VWA3B: variants seen among roughly 807,000 people sequenced by gnomAD.
The protein encoded by VWA3B is von Willebrand factor A domain containing 3B.
VWA3B carries 138 observed loss-of-function variants against 158.3 expected under a neutral mutation model. The observed-to-expected ratio is 0.87, with a 90% CI of 0.76 to 1.00. The LOEUF (loss-of-function observed/expected upper bound fraction) is 1.00. VWA3B is among the 50% of genes least tolerant of loss of function. The pLI, the probability that VWA3B is intolerant of heterozygous loss-of-function variation, is 0.00. For synonymous variants in VWA3B, 596 were observed against 587.3 expected (o/e 1.01, Z -0.21); for missense variants, 1,555 against 1,565.1 (o/e 0.99, Z 0.11).
chr2:98,239,817 G>T (rs1470617368), intron 19 of VWA3B, among the ~76,000 whole-genome samples: 1 of 151,386 alleles, frequency 6.6e-6, no homozygotes, highest in Non-Finnish European at 1.5e-5. Context: ...GGGAGGCTGA[G>T]GCAGGAGAAT....
chr2:98,309,355 C>T (rs1466317023), intron 26 of VWA3B, among the ~76,000 whole-genome samples: 2 of 152,278 alleles, frequency 1.3e-5, no homozygotes, highest in African/African-American at 2.4e-5. Flanking sequence ...GGAGGCAAGG[C>T]ATGTTCTTCT....
chr2:98,297,933 A>C lies in VWA3B; in HGVS notation c.3184A>C (p.Thr1062Pro). 1 of 1,571,310 alleles carries C rather than the reference A, an allele frequency of 6.4e-7. No homozygotes were observed. The highest frequency in any genetic ancestry group is 8.6e-7 in the Non-Finnish European group (1 of 1,158,610). The change falls in exon 24 of 28, where the codon ACC (threonine) becomes CCC (proline). Residue 1062 changes from threonine to proline, a missense_variant. Thr to Pro is a conservative substitution (Grantham distance 38, BLOSUM62 -1). Transcript: ENST00000477737. The part of the protein sequence containing the change: ...PGVVKKCVSR[T>P]QALVGFSYGD... ...GGTTGTGAAGAAGTGTGTGAGCCGC[A>C]CCCAAGCACTGGTGGGCTTCAGTTA... is the stretch of plus-strand genomic sequence containing the variant.
chr2:98,259,191 T>C (rs1188334786), intron 21 of VWA3B, among the ~76,000 whole-genome samples: 1 of 151,780 alleles, frequency 6.6e-6, no homozygotes, highest in Non-Finnish European at 1.5e-5. Context: ...AGAATATTTA[T>C]GTCCATATTT....
chr2:98,121,401 G>T lies in VWA3B; in HGVS notation c.645G>T (p.Leu215=), dbSNP rs746648205. Residue 215 remains leucine (L), a synonymous_variant, in exon 5 of 28, where the codon CTG becomes CTT. Coordinates refer to ENST00000477737, the MANE Select transcript of VWA3B (RefSeq NM_144992.5). ...ISWVEKLTVE[L]TVSEAGRLDA... Reference sequence around the variant, plus strand: ...GGGTTGAGAAACTGACGGTTGAGCTGACTGTGAGCGAGGCTGGCCGCCTGG... The same window carrying T: ...GGGTTGAGAAACTGACGGTTGAGCTTACTGTGAGCGAGGCTGGCCGCCTGG... The T allele has an allele frequency of 6.2e-7, 1 of 1,614,214 alleles. No individual in the cohort carries two copies. The highest frequency in any genetic ancestry group is 2.2e-5 in the East Asian group (1 of 44,888).
At chr2:98,209,212 C>A (rs886160892) in intron 12 of VWA3B, among the ~76,000 whole-genome samples, 4 of 151,774 alleles carry the variant, frequency 2.6e-5, no homozygotes, top group Middle Eastern at 3.2e-3. Flanking sequence ...TGGTTTTATC[C>A]TGTTTGGGAT....
intron 10 of VWA3B, among the ~76,000 whole-genome samples, chr2:98,190,034 TA>T (rs1453389266): frequency 6.6e-6 from 1 of 152,232 alleles, no homozygotes; most frequent in African/African-American, 2.4e-5. Flanking sequence ...ATTGGAGTGT[TA>T]AAATCATTTA....
chr2:98,281,610 A>C (rs1433797232), intron 22 of VWA3B, among the ~76,000 whole-genome samples: 1 of 152,150 alleles, frequency 6.6e-6, no homozygotes, highest in Non-Finnish European at 1.5e-5. Flanking sequence ...GTTACATGGA[A>C]AATTTTAAAG....
intron 8 of VWA3B, 52 bp from the exon 9 acceptor site, chr2:98,180,964 T>G (rs1574005137): frequency 6.4e-7 from 1 of 1,563,352 alleles, no homozygotes; most frequent in South Asian, 1.2e-5. Context: ...GTTGGGGGTG[T>G]AATATGAATG....
intron 12 of VWA3B, among the ~76,000 whole-genome samples, chr2:98,207,959 A>T (rs531939978): frequency 8.6e-5 from 13 of 151,680 alleles, no homozygotes; most frequent in African/African-American, 2.9e-4. Flanking sequence ...ATCTATTACA[A>T]CTCTATTATA....
intron 22 of VWA3B, 113 bp downstream of exon 22, chr2:98,270,996 A>G: frequency 9.3e-7 from 1 of 1,080,600 alleles, no homozygotes; most frequent in Non-Finnish European, 1.3e-6. Context: ...CTGATTTCTA[A>G]AAGTGTTAGA....
intron 19 of VWA3B, among the ~76,000 whole-genome samples, chr2:98,241,036 A>C (rs1036913576): frequency 6.6e-6 from 1 of 152,156 alleles, no homozygotes; most frequent in African/African-American, 2.4e-5. Flanking sequence ...AATGAAAATG[A>C]GAGAAGTTCT....
At chr2:98,113,085 C>T (rs1383298220) in intron 2 of VWA3B, among the ~76,000 whole-genome samples, 1 of 151,198 alleles carries the variant, frequency 6.6e-6, no homozygotes, top group Non-Finnish European at 1.5e-5. Flanking sequence ...TTATAGTATA[C>T]TTATAATATA....
In VWA3B at chr2:98,270,758, C is replaced by A; in HGVS notation, c.2920C>A (p.Pro974Thr). 6.2e-7 allele frequency: 1 copy of A among 1,614,092 alleles called. No homozygotes were observed. The highest frequency in any genetic ancestry group is 1.3e-5 in the African/African-American group (1 of 75,026). Reference protein sequence around the residue: ...LNQALERLNWPISLKELSMLE... With the variant: ...LNQALERLNWTISLKELSMLE... Reference sequence around the variant, plus strand: ...CCAGGCTTTAGAACGGTTGAATTGGCCCATTTCACTGAAAGAGCTGTCGAT... The same window carrying A: ...CCAGGCTTTAGAACGGTTGAATTGGACCATTTCACTGAAAGAGCTGTCGAT... Residue 974 changes from proline to threonine, a missense_variant, in exon 22 of 28, where the codon CCC becomes ACC. Transcript: ENST00000477737.
intron 19 of VWA3B, among the ~76,000 whole-genome samples, chr2:98,246,363 T>C (rs931887242): frequency 6.6e-6 from 1 of 152,152 alleles, no homozygotes; most frequent in Admixed American, 6.5e-5. Flanking sequence ...TTCATATACA[T>C]TTTAATTTTT....
At chr2:98,277,696 G>T (rs942204712) in intron 22 of VWA3B, among the ~76,000 whole-genome samples, 4 of 152,184 alleles carry the variant, frequency 2.6e-5, no homozygotes, top group African/African-American at 7.2e-5. Flanking sequence ...GAGAAAGAGA[G>T]CGTTAGGAAA....
chr2:98,269,029 A>G (rs1301688923), intron 21 of VWA3B, among the ~76,000 whole-genome samples: 6 of 152,186 alleles, frequency 3.9e-5, no homozygotes, highest in Non-Finnish European at 5.9e-5. Context: ...GGACTGGTCA[A>G]GAATATATCT....
At chr2:98,105,130 C>G (rs1225554539) in intron 2 of VWA3B, among the ~76,000 whole-genome samples, 2 of 152,172 alleles carry the variant, frequency 1.3e-5, no homozygotes, top group Non-Finnish European at 2.9e-5. Context: ...GATGTTATTT[C>G]CTGAATAATT....
At chr2:98,227,866 A>C (rs1454498336) in intron 14 of VWA3B, among the ~76,000 whole-genome samples, 1 of 152,232 alleles carries the variant, frequency 6.6e-6, no homozygotes, top group African/African-American at 2.4e-5. Context: ...AACTTTTCAA[A>C]TGGTGCATTT....
intron 19 of VWA3B, among the ~76,000 whole-genome samples, chr2:98,240,763 A>AT (rs1227565923): frequency 6.6e-6 from 1 of 152,046 alleles, no homozygotes; most frequent in Non-Finnish European, 1.5e-5. Context: ...ACAGTTAGAA[A>AT]TTTTTTTCTC....
Sources: allele counts gnomAD v4.1 joint callset (sites outside exome capture counted in the v4.1 genomes callset), GRCh38; gene constraint gnomAD v4.1.1; transcripts MANE v1.5; gene names NCBI Gene and HGNC (gene_info 2026-07-23, HGNC 2026-07-21).